The following AGBL4 variants were observed in gnomAD, a reference collection of about 807,000 sequenced individuals.
The protein encoded by AGBL4 is cytosolic carboxypeptidase 6.
AGBL4 carries 58 observed loss-of-function variants against 66.4 expected under a neutral mutation model. The observed-to-expected ratio is 0.87, with a 90% CI of 0.71 to 1.09. The LOEUF (loss-of-function observed/expected upper bound fraction) is 1.09. AGBL4 is among the 50% of genes least tolerant of loss of function. The pLI, the probability that AGBL4 is intolerant of heterozygous loss-of-function variation, is 0.00. For missense variants in AGBL4, 579 were observed against 631.0 expected (o/e 0.92, Z 0.88); for synonymous variants, 234 against 222.9 (o/e 1.05, Z -0.44).
At chr1:48,871,436 C>G (rs893114399) in intron 5 of AGBL4, among the ~76,000 whole-genome samples, 3 of 150,660 alleles carry the variant, frequency 2.0e-5, no homozygotes, top group Non-Finnish European at 1.5e-5. Flanking sequence ...TCATCTCAGA[C>G]AAAGAAGTTC....
chr1:48,783,754 G>A (rs980610244), intron 6 of AGBL4, among the ~76,000 whole-genome samples: 12 of 152,082 alleles, frequency 7.9e-5, no homozygotes, highest in Non-Finnish European at 1.5e-4. Context: ...TTTGGGATGG[G>A]GCCTAGGCAT....
intron 1 of AGBL4, 77 bp from the exon 2 acceptor site, chr1:49,851,595 C>T (rs1006593469): frequency 7.0e-7 from 1 of 1,433,046 alleles, no homozygotes; most frequent in Non-Finnish European, 9.4e-7. Flanking sequence ...TGTTAATTAC[C>T]CCTTCCCTAG....
chr1:49,181,248 C>A (rs1297369957), intron 4 of AGBL4, among the ~76,000 whole-genome samples: 1 of 152,194 alleles, frequency 6.6e-6, no homozygotes, highest in Non-Finnish European at 1.5e-5. Context: ...ACACTCTGTT[C>A]CCATGGATGG....
At chr1:49,296,604 T>G (rs1441030437) in intron 3 of AGBL4, among the ~76,000 whole-genome samples, 3 of 152,196 alleles carry the variant, frequency 2.0e-5, no homozygotes, top group Non-Finnish European at 2.9e-5. Flanking sequence ...AATATTTTTA[T>G]GTAACAACTT....
chr1:49,357,474 G>C (rs1389751362), intron 3 of AGBL4, among the ~76,000 whole-genome samples: 1 of 152,168 alleles, frequency 6.6e-6, no homozygotes, highest in Admixed American at 6.5e-5. Flanking sequence ...AATGGGCTCT[G>C]CTGTCCTAAT....
chr1:48,945,891 A>G (rs924324274), intron 5 of AGBL4, among the ~76,000 whole-genome samples: 14 of 152,176 alleles, frequency 9.2e-5, no homozygotes, highest in Non-Finnish European at 1.8e-4. Context: ...TCATCTGAAA[A>G]ATGGGCATTA....
chr1:49,943,535 A>T (rs1190576449), intron 1 of AGBL4, among the ~76,000 whole-genome samples: 1 of 152,110 alleles, frequency 6.6e-6, no homozygotes, highest in Admixed American at 6.6e-5. Context: ...GAAGGTCTAC[A>T]CCAAAGACAA....
chr1:49,635,309 C>A (rs1448064345), intron 3 of AGBL4, among the ~76,000 whole-genome samples: 2 of 152,048 alleles, frequency 1.3e-5, no homozygotes, highest in African/African-American at 4.8e-5. Flanking sequence ...AAAACAAAGG[C>A]AAGCATTCTC....
chr1:48,627,118 AGGTATGGACACTCG>A (rs1340047417), intron 9 of AGBL4, among the ~76,000 whole-genome samples: 2 of 152,146 alleles, frequency 1.3e-5, no homozygotes, highest in African/African-American at 4.8e-5. Flanking sequence ...AAAGCCTGTC[AGGTATGGACACTCG>A]GGTCCCTTGG....
chr1:49,240,050 T>C, intron 4 of AGBL4, among the ~76,000 whole-genome samples: 1 of 152,152 alleles, frequency 6.6e-6, no homozygotes, highest in South Asian at 2.1e-4. Flanking sequence ...ATATAAATTT[T>C]TGTTTTTAAT....
In AGBL4 at chr1:49,614,596, A is replaced by G. The variant is rs144976859; in HGVS notation, c.282+82717T>C. Reference sequence around the variant, plus strand: ...ATATACAAGAGCAAAAGGCATATGTATGTTCCCTCTAGTAGTACTTTTATA... The same window carrying G: ...ATATACAAGAGCAAAAGGCATATGTGTGTTCCCTCTAGTAGTACTTTTATA... On this transcript the variant is annotated intron_variant, in intron 3 of 13. Coordinates refer to ENST00000371839, the MANE Select transcript of AGBL4 (RefSeq NM_032785.4). Among the ~76,000 whole-genome samples the G allele has an allele frequency of 6.6e-5, 10 of 152,282 alleles. No individual in the cohort carries two copies. In the East Asian group the frequency reaches 1.9e-3, roughly 29 times the overall value.
chr1:49,697,373 G>C lies in AGBL4; in HGVS notation c.222C>G (p.Thr74=), dbSNP rs890009921. The change falls in exon 3 of 14, where the codon ACC becomes ACG. Residue 74 remains threonine, a synonymous_variant. Coordinates refer to ENST00000371839, the MANE Select transcript of AGBL4 (RefSeq NM_032785.4). ...FEYDLFIRPD[T]CNPRFRVWFN... Reference sequence around the variant, plus strand: ...ACCAGACTCGGAAGCGTGGATTACAGGTGTCCGGCCTAATGAACAGATCAT... The same window carrying C: ...ACCAGACTCGGAAGCGTGGATTACACGTGTCCGGCCTAATGAACAGATCAT... The C allele has an allele frequency of 6.5e-7, 1 of 1,548,624 alleles. No homozygotes were observed. The highest frequency in any genetic ancestry group is 8.7e-7 in the Non-Finnish European group (1 of 1,144,714).
intron 6 of AGBL4, among the ~76,000 whole-genome samples, chr1:48,711,082 G>T (rs370472473): frequency 6.6e-6 from 1 of 152,162 alleles, no homozygotes; most frequent in East Asian, 1.9e-4. Flanking sequence ...TTGACTGGAG[G>T]TCCTCCAGGG....
chr1:48,900,518 G>A (rs927548616), intron 5 of AGBL4, among the ~76,000 whole-genome samples: 1 of 152,212 alleles, frequency 6.6e-6, no homozygotes, highest in Non-Finnish European at 1.5e-5. Context: ...TCAAGACAGT[G>A]TGGTTTGGTT....
At chr1:48,800,926 A>T (rs72681072) in intron 6 of AGBL4, among the ~76,000 whole-genome samples, 1 of 151,590 alleles carries the variant, frequency 6.6e-6, no homozygotes, top group East Asian at 1.9e-4. Flanking sequence ...TAGAGAAAAA[A>T]CATCAGGTTG....
At chr1:48,634,011 C>T (rs1194079193) in intron 9 of AGBL4, among the ~76,000 whole-genome samples, 1 of 152,208 alleles carries the variant, frequency 6.6e-6, no homozygotes, top group African/African-American at 2.4e-5. Flanking sequence ...AGGTCAATCA[C>T]AATCCTTTTG....
chr1:49,068,184 C>A (rs1644527230), intron 4 of AGBL4, among the ~76,000 whole-genome samples: 1 of 152,022 alleles, frequency 6.6e-6, no homozygotes, highest in Non-Finnish European at 1.5e-5. Context: ...TAATATCTAC[C>A]AAATAATGGT....
chr1:49,763,189 G>A (rs1384285155), intron 2 of AGBL4, among the ~76,000 whole-genome samples: 1 of 152,130 alleles, frequency 6.6e-6, no homozygotes, highest in East Asian at 1.9e-4. Flanking sequence ...GGTTATAGGA[G>A]TGTGTAATTT....
intron 3 of AGBL4, among the ~76,000 whole-genome samples, chr1:49,584,087 A>G (rs1644600480): frequency 6.6e-6 from 1 of 151,482 alleles, no homozygotes; most frequent in Admixed American, 6.6e-5. Context: ...CTTTGTGGAG[A>G]GTCTTTAGGT....
Sources: gnomAD v4.1 joint callset for allele counts (sites outside exome capture counted in the v4.1 genomes callset) on GRCh38, gnomAD v4.1.1 for gene constraint, MANE v1.5 for transcripts, NCBI Gene and HGNC (gene_info 2026-07-23, HGNC 2026-07-21) for gene names.